The following AGAP1 variants were observed in gnomAD, a reference collection of about 807,000 sequenced individuals.
AGAP1 encodes arf-GAP with GTPase, ANK repeat and PH domain-containing protein 1.
AGAP1 carries 29 observed loss-of-function variants against 105.3 expected under a neutral mutation model. That is an observed-to-expected ratio of 0.28 (90% CI 0.21 to 0.38). The LOEUF (loss-of-function observed/expected upper bound fraction) is 0.38, where lower values mean the gene tolerates loss of function less well. AGAP1 is among the 10% of genes least tolerant of loss of function. AGAP1 has a pLI of 1.00. For missense variants in AGAP1, 998 were observed against 1,165.1 expected, an observed-to-expected ratio of 0.86 and a Z score of 2.09; for synonymous variants, 509 against 485.9, an observed-to-expected ratio of 1.05 and a Z score of -0.63.
At chr2:235,826,237 G>T (rs2106316816) in intron 9 of AGAP1, among the ~76,000 whole-genome samples, 1 of 152,210 alleles carries the variant, frequency 6.6e-6, no homozygotes, top group East Asian at 1.9e-4. Context: ...CCCCAAATAG[G>T]GTGACCTAGT....
At chr2:235,675,426 G>A (rs1575096337) in intron 1 of AGAP1, among the ~76,000 whole-genome samples, 1 of 151,990 alleles carries the variant, frequency 6.6e-6, no homozygotes, top group Admixed American at 6.6e-5. Context: ...TGATACACCC[G>A]CCTCAGCCTC....
intron 1 of AGAP1, among the ~76,000 whole-genome samples, chr2:235,568,448 G>A (rs568585144): frequency 3.3e-5 from 5 of 152,214 alleles, no homozygotes; most frequent in East Asian, 1.9e-4. Context: ...TTGATGAAGT[G>A]AAGCCATGTC....
At position 236,087,729 on chromosome 2, in the gene AGAP1, A is replaced by G. The variant is rs113043356; in HGVS notation, c.2115-32463A>G. 6.2e-3 allele frequency among the ~76,000 whole-genome samples: 948 copies of G among 152,358 alleles called. 7 individuals are homozygous for G. The highest frequency in any genetic ancestry group is 0.022 in the African/African-American group (906 of 41,578). ...TATTGGTTAAGTGACAACCGGGGAC[A>G]TACCCATTTTCTTTGTCCATGAAGC... On this transcript the variant is annotated intron_variant, in intron 16 of 17. Transcript: ENST00000304032. This position sits in a 1 kb window ranked among gnomAD's most constrained non-coding sequence, Gnocchi z 5.7.
Position 235,872,614 on chromosome 2 carries a change from T to A in AGAP1, c.1051-10731T>A, listed in dbSNP as rs1406841458. ...TGTCCTCTAAAAGTTTCAAATGAAC[T>A]ATTTTTAGGGTTTTCCATTTTCTTG... is the stretch of plus-strand genomic sequence containing the variant. On this transcript the variant is annotated intron_variant, in intron 9 of 17. Transcript: ENST00000304032. The surrounding 1 kb of genome is among the most constrained non-coding windows in gnomAD (Gnocchi z 4.5). 1.3e-5 allele frequency among the ~76,000 whole-genome samples: 2 copies of A among 152,204 alleles called. No individual in the cohort carries two copies. Among genetic ancestry groups the A allele is most frequent in the Non-Finnish European group, 2.9e-5 (2 of 68,042 alleles).
At position 235,596,776 on chromosome 2, in the gene AGAP1, G is replaced by A. The variant is rs74452742; in HGVS notation, c.163+101927G>A. ...AAAAGCAATGATGTTTCCCAAGGCC[G>A]GGGCTGTCGACTGAATTGTGTCCCT... is the stretch of plus-strand genomic sequence containing the variant. On this transcript the variant is annotated intron_variant, in intron 1 of 17. Coordinates refer to ENST00000304032, the MANE Select transcript of AGAP1 (RefSeq NM_001037131.3). This position sits in a 1 kb window ranked among gnomAD's most constrained non-coding sequence, Gnocchi z 5.9. Among the ~76,000 whole-genome samples, 3,288 of 152,262 alleles carry A rather than the reference G, an allele frequency of 0.022. 115 individuals are homozygous for A. The highest frequency in any genetic ancestry group is 0.075 in the African/African-American group (3,113 of 41,520).
At chr2:235,522,393 C>G (rs1942656493) in intron 1 of AGAP1, among the ~76,000 whole-genome samples, 1 of 152,184 alleles carries the variant, frequency 6.6e-6, no homozygotes, top group South Asian at 2.1e-4. Flanking sequence ...GTAAGACGCT[C>G]AGCCTCTCTG....
chr2:235,736,825 A>G lies in AGAP1; in HGVS notation c.311-4138A>G, dbSNP rs529114597. Among the ~76,000 whole-genome samples, 1 of 152,304 alleles carries G rather than the reference A, an allele frequency of 6.6e-6. No homozygotes were observed. The highest frequency in any genetic ancestry group is 2.1e-4 in the South Asian group (1 of 4,824). ...CACCGCACTCCAGCCTAGGCAACAG[A>G]GTGAGACTGTGTCTCAAAAAACAAA... On this transcript the variant is annotated intron_variant, in intron 3 of 17. Transcript: ENST00000304032. The surrounding 1 kb of genome is among the most constrained non-coding windows in gnomAD (Gnocchi z 5.5).
Position 235,622,550 on chromosome 2 carries a change from G to A in AGAP1, c.164-86629G>A, listed in dbSNP as rs749979258. Among the ~76,000 whole-genome samples the A allele has an allele frequency of 9.2e-5, 14 of 152,136 alleles. No homozygotes were observed. Among genetic ancestry groups the A allele is most frequent in the South Asian group, 2.1e-4 (1 of 4,784 alleles). ...GCTGTGCTTCCTTTAACTGAACCCC[G>A]GTGGCCCAGTTGCTCCTCTTGGTGG... On this transcript the variant is annotated intron_variant, in intron 1 of 17. Transcript: ENST00000304032. This position sits in a 1 kb window ranked among gnomAD's most constrained non-coding sequence, Gnocchi z 5.0.
intron 16 of AGAP1, among the ~76,000 whole-genome samples, chr2:236,072,125 G>GTTTTTT (rs11342740): frequency 1.8e-5 from 2 of 111,956 alleles, no homozygotes; most frequent in Non-Finnish European, 3.8e-5. Context: ...TTCGTTGTGG[G>GTTTTTT]TTTTTTTTTT....
chr2:235,935,358 T>C (rs1007730608), intron 12 of AGAP1, among the ~76,000 whole-genome samples: 1 of 152,230 alleles, frequency 6.6e-6, no homozygotes, highest in African/African-American at 2.4e-5. Flanking sequence ...CATATTCATC[T>C]TGAGCCTCTG....
At chr2:235,778,686 G>A (rs1559475972) in intron 6 of AGAP1, among the ~76,000 whole-genome samples, 1 of 152,218 alleles carries the variant, frequency 6.6e-6, no homozygotes. Flanking sequence ...GGTGATGATA[G>A]AGGTCCTGCC....
intron 1 of AGAP1, among the ~76,000 whole-genome samples, chr2:235,540,579 C>T (rs1032970426): frequency 2.6e-5 from 4 of 152,244 alleles, no homozygotes; most frequent in African/African-American, 7.2e-5. Context: ...GAAAGCTGTG[C>T]TCCCTCCCTG....
At chr2:235,836,744 A>T (rs1960208188) in intron 9 of AGAP1, among the ~76,000 whole-genome samples, 1 of 152,182 alleles carries the variant, frequency 6.6e-6, no homozygotes, top group East Asian at 1.9e-4. Flanking sequence ...GCGGGAGAAG[A>T]TGGAGACAGC....
chr2:235,637,449 TA>T (rs1331230041), intron 1 of AGAP1, among the ~76,000 whole-genome samples: 2 of 147,886 alleles, frequency 1.4e-5, no homozygotes. Context: ...ATTGTATTAT[TA>T]TTTTTTTTTT....
Position 235,951,992 on chromosome 2 carries a change from T to A in AGAP1, c.1484-16470T>A, listed in dbSNP as rs188287304. Among the ~76,000 whole-genome samples the A allele has an allele frequency of 2.6e-4, 39 of 152,344 alleles. No individual in the cohort carries two copies. The East Asian group carries it at 6.9e-3, about 27-fold the overall frequency. On this transcript the variant is annotated intron_variant, in intron 12 of 17. Transcript: ENST00000304032. The surrounding 1 kb of genome is among the most constrained non-coding windows in gnomAD (Gnocchi z 4.2). The stretch of plus-strand genomic sequence containing the variant: ...GCTATGTATTTGTGACCTGATATAT[T>A]ATTTTTAAATACAGTTGTTTAATAG...
chr2:235,666,411 A>C (rs1371950838), intron 1 of AGAP1, among the ~76,000 whole-genome samples: 2 of 152,088 alleles, frequency 1.3e-5, no homozygotes, highest in African/African-American at 2.4e-5. Flanking sequence ...TGTCGGGAGC[A>C]TGTGTCTTCT....
intron 1 of AGAP1, among the ~76,000 whole-genome samples, chr2:235,666,649 T>A (rs888038521): frequency 6.6e-6 from 1 of 150,962 alleles, no homozygotes; most frequent in African/African-American, 2.5e-5. Flanking sequence ...GAATGGATTC[T>A]TCTACTCCGC....
chr2:235,819,327 C>G (rs1280027641), intron 9 of AGAP1, among the ~76,000 whole-genome samples: 5 of 152,026 alleles, frequency 3.3e-5, no homozygotes, highest in South Asian at 2.1e-4. Flanking sequence ...GTTGCCCAGG[C>G]TGGTCTCAAA....
In AGAP1 at chr2:235,866,892, T is replaced by G. The variant is rs1213803742; in HGVS notation, c.1051-16453T>G. On this transcript the variant is annotated intron_variant, in intron 9 of 17. Coordinates refer to ENST00000304032, the MANE Select transcript of AGAP1 (RefSeq NM_001037131.3). The surrounding 1 kb of genome is among the most constrained non-coding windows in gnomAD (Gnocchi z 6.1). ...AGGGCCCATCCTAACAGCCTTATTT[T>G]AACATAATTTGCTCTGTAAAGGCCC... is the stretch of plus-strand genomic sequence containing the variant. Among the ~76,000 whole-genome samples, 1 of 152,204 alleles carries G rather than the reference T, an allele frequency of 6.6e-6. No individual in the cohort carries two copies. Among genetic ancestry groups the G allele is most frequent in the Non-Finnish European group, 1.5e-5 (1 of 68,040 alleles).
Sources: gnomAD v4.1 joint callset for allele counts (sites outside exome capture counted in the v4.1 genomes callset) on GRCh38, gnomAD v4.1.1 for gene constraint, Gnocchi (gnomAD v3.1) non-coding constraint, MANE v1.5 for transcripts, NCBI Gene and HGNC (gene_info 2026-07-23, HGNC 2026-07-21) for gene names.